The following NRG1 variants were observed in gnomAD, a reference collection of about 807,000 sequenced individuals.
NRG1 encodes the protein neuregulin 1, also known as pro-neuregulin-1, membrane-bound isoform.
In NRG1, 18 loss-of-function variants were observed where a neutral mutation model predicts 63.8. The observed-to-expected ratio is 0.28, with a 90% CI of 0.19 to 0.42. The LOEUF (loss-of-function observed/expected upper bound fraction) is 0.42, where lower values mean the gene tolerates loss of function less well. Among genes scored for constraint, NRG1 ranks in the 10% least tolerant of loss-of-function variants. The pLI is 1.00. For synonymous variants in NRG1, 302 were observed against 301.3 expected, an observed-to-expected ratio of 1.00 and a Z score of -0.02; for missense variants, 762 against 814.7, an observed-to-expected ratio of 0.94 and a Z score of 0.79.
chr8:32,390,617 A>AG (rs754104986), intron 1 of NRG1, among the ~76,000 whole-genome samples: 2 of 150,472 alleles, frequency 1.3e-5, no homozygotes, highest in African/African-American at 4.9e-5. Flanking sequence ...AAAAAAAAAA[A>AG]AAGAAGAAGA....
chr8:32,330,145 T>C (rs1373146905), intron 1 of NRG1, among the ~76,000 whole-genome samples: 2 of 148,590 alleles, frequency 1.3e-5, no homozygotes, highest in African/African-American at 4.9e-5. Flanking sequence ...GTGATCCTCC[T>C]GCCTTACCTG....
chr8:32,039,052 G>T, intron 1 of NRG1, among the ~76,000 whole-genome samples: 2 of 152,124 alleles, frequency 1.3e-5, no homozygotes, highest in Non-Finnish European at 2.9e-5. Context: ...CAAATTCTGG[G>T]ATGTTTGTTT....
intron 1 of NRG1, among the ~76,000 whole-genome samples, chr8:31,680,354 A>T (rs1808199184): frequency 7.0e-6 from 1 of 142,962 alleles, no homozygotes; most frequent in African/African-American, 2.6e-5. Flanking sequence ...ATGTGTTCTC[A>T]TTGTTCAATT....
intron 5 of NRG1, among the ~76,000 whole-genome samples, chr8:32,657,092 A>C (rs1228635326): frequency 6.6e-6 from 1 of 151,964 alleles, no homozygotes; most frequent in Non-Finnish European, 1.5e-5. Context: ...ATTAATTTAA[A>C]ATTAAACCAA....
At chr8:31,828,510 G>A (rs936604706) in intron 1 of NRG1, among the ~76,000 whole-genome samples, 5 of 152,110 alleles carry the variant, frequency 3.3e-5, no homozygotes, top group Non-Finnish European at 2.9e-5. Flanking sequence ...ATAATCCCCC[G>A]AGGCTCAGGT....
At chr8:31,870,042 A>C (rs1395371317) in intron 1 of NRG1, among the ~76,000 whole-genome samples, 1 of 152,202 alleles carries the variant, frequency 6.6e-6, no homozygotes, top group Non-Finnish European at 1.5e-5. Flanking sequence ...ACAAGATCCT[A>C]GGAAATCTGT....
At chr8:32,540,583 G>C (rs1243229521) in intron 1 of NRG1, among the ~76,000 whole-genome samples, 1 of 152,114 alleles carries the variant, frequency 6.6e-6, no homozygotes, top group Non-Finnish European at 1.5e-5. Context: ...TTTTGTGCCT[G>C]GATATAACTG....
chr8:31,782,960 C>A lies in NRG1; in HGVS notation c.37+143529C>A, dbSNP rs144979460. Reference sequence around the variant, plus strand: ...TGAATGTCCAGTATCATTGTTATAGCAAAGAACTGAAGTGCTAGTTTCTAG... The same window carrying A: ...TGAATGTCCAGTATCATTGTTATAGAAAAGAACTGAAGTGCTAGTTTCTAG... On this transcript the variant is annotated intron_variant, in intron 1 of 10. Coordinates refer to the NRG1 transcript ENST00000519301. 4.5e-4 allele frequency among the ~76,000 whole-genome samples: 68 copies of A among 152,232 alleles called. 1 individual carries two copies. The East Asian group carries it at 0.013, about 29-fold the overall frequency.
At chr8:32,485,732 G>C (rs933881668) in intron 1 of NRG1, among the ~76,000 whole-genome samples, 2 of 152,338 alleles carry the variant, frequency 1.3e-5, no homozygotes, top group South Asian at 4.1e-4. Flanking sequence ...ACTCCTGAGA[G>C]AAGTTGCTGC....
chr8:32,750,265 A>T (rs190196554), intron 7 of NRG1, among the ~76,000 whole-genome samples: 1 of 152,334 alleles, frequency 6.6e-6, no homozygotes, highest in African/African-American at 2.4e-5. Context: ...AGTCATGAAG[A>T]TTATCCAGAC....
At chr8:32,262,677 TG>T (rs1850511938) in intron 1 of NRG1, among the ~76,000 whole-genome samples, 1 of 151,728 alleles carries the variant, frequency 6.6e-6, no homozygotes, top group South Asian at 2.1e-4. Flanking sequence ...TTTTGAAAAA[TG>T]GGAAAAAAAT....
chr8:32,004,894 ATAATT>A, intron 1 of NRG1, among the ~76,000 whole-genome samples: 1 of 151,992 alleles, frequency 6.6e-6, no homozygotes, highest in Admixed American at 6.6e-5. Flanking sequence ...AATCATGTAT[ATAATT>A]TAAGGGTAAT....
chr8:32,746,441 C>G (rs1182812820), intron 7 of NRG1, among the ~76,000 whole-genome samples: 1 of 152,086 alleles, frequency 6.6e-6, no homozygotes, highest in Non-Finnish European at 1.5e-5. Flanking sequence ...CAAATTTTAA[C>G]AGGAACCACA....
intron 5 of NRG1, among the ~76,000 whole-genome samples, chr8:32,700,982 CAA>C (rs1393812380): frequency 2.6e-5 from 4 of 152,108 alleles, no homozygotes; most frequent in Non-Finnish European, 5.9e-5. Flanking sequence ...TGTCTTAACC[CAA>C]TCCGCACACC....
intron 1 of NRG1, among the ~76,000 whole-genome samples, chr8:32,474,663 T>TTGTG (rs996165149): frequency 6.6e-6 from 1 of 151,784 alleles, no homozygotes; most frequent in East Asian, 1.9e-4. Context: ...TAGCTAATTT[T>TTGTG]TGTGTGTGTG....
intron 1 of NRG1, among the ~76,000 whole-genome samples, chr8:32,439,760 T>C (rs1198137789): frequency 7.1e-6 from 1 of 140,664 alleles, no homozygotes; most frequent in Non-Finnish European, 1.5e-5. Context: ...TACTAAAAAA[T>C]CGAATAAGTG....
chr8:32,303,184 C>CAA (rs71541811), intron 1 of NRG1, among the ~76,000 whole-genome samples: 3 of 44,612 alleles, frequency 6.7e-5, no homozygotes, highest in South Asian at 1.1e-3. Flanking sequence ...ACTCAGTCTC[C>CAA]AAAAAAAAAA....
At chr8:32,033,091 A>AT (rs898802902) in intron 1 of NRG1, among the ~76,000 whole-genome samples, 2,999 of 111,550 alleles carry the variant, frequency 0.027, 40 homozygotes, top group South Asian at 0.048. Flanking sequence ...TGTGCAGTCT[A>AT]TTTTTTTTTT....
At chr8:32,492,293 A>G (rs1826683325) in intron 1 of NRG1, among the ~76,000 whole-genome samples, 2 of 152,132 alleles carry the variant, frequency 1.3e-5, no homozygotes, top group Non-Finnish European at 2.9e-5. Context: ...TAGGAGGTTG[A>G]GTTCTTGATA....
Sources: gnomAD v4.1 joint callset for allele counts (sites outside exome capture counted in the v4.1 genomes callset) on GRCh38, gnomAD v4.1.1 for gene constraint, MANE v1.5 for transcripts, NCBI Gene and HGNC (gene_info 2026-07-23, HGNC 2026-07-21) for gene names.